KLHL4: variants seen among roughly 807,000 people sequenced by gnomAD.
KLHL4 encodes the protein kelch like family member 4.
KLHL4 carries 17 observed loss-of-function variants against 45.8 expected under a neutral mutation model. The ratio of observed to expected loss-of-function variants is 0.37; its 90% CI spans 0.25 to 0.56. The LOEUF is 0.56. Among genes scored for constraint, KLHL4 ranks in the 20% least tolerant of loss-of-function variants. The pLI is 0.79. For missense variants in KLHL4, 544 were observed against 544.9 expected, an observed-to-expected ratio of 1.00 and a Z score of 0.02; for synonymous variants, 224 against 189.9, an observed-to-expected ratio of 1.18 and a Z score of -1.47.
rs1419656461 is a variant in KLHL4 at position 87,625,715 on chromosome X, A to G, written c.1243A>G (p.Met415Val). The G allele has an allele frequency of 1.7e-6, 2 of 1,210,138 alleles. No homozygotes were observed. The highest frequency in any genetic ancestry group is 2.3e-4 in the Middle Eastern group (1 of 4,347). The change falls in exon 6 of 11, where the codon ATG (methionine) becomes GTG (valine). Residue 415 changes from methionine to valine, a missense_variant. Physicochemically the swap from Met to Val is conservative, Grantham distance 21. Transcript: ENST00000373119. ...KYHLLPERRS[M>V]MQSPRTKPRK... is the part of the protein sequence containing the mutation. ...TCATCTTTTGCCTGAGAGAAGATCC[A>G]TGATGCAAAGCCCTCGGACAAAGCC...
chrX:87,520,698 C>CAA (rs1009114181), intron 1 of KLHL4, among the ~76,000 whole-genome samples: 4 of 111,982 alleles, frequency 3.6e-5, no homozygotes, highest in African/African-American at 1.3e-4. Context: ...TGCTGGTCAT[C>CAA]AGAGACCTGT....
At chrX:87,599,718 G>T (rs1921949629) in intron 1 of KLHL4, among the ~76,000 whole-genome samples, 1 of 110,834 alleles carries the variant, frequency 9.0e-6, no homozygotes, top group Admixed American at 9.6e-5. Context: ...TACCACCTGT[G>T]CTGCTTTGAA....
chrX:87,618,579 C>T (rs1922643304), intron 4 of KLHL4, among the ~76,000 whole-genome samples: 1 of 111,787 alleles, frequency 8.9e-6, no homozygotes, highest in Admixed American at 9.5e-5. Context: ...CAGCTCACTG[C>T]AACCTCCGCC....
chrX:87,655,974 G>C (rs1170764697), intron 9 of KLHL4, among the ~76,000 whole-genome samples: 1 of 111,262 alleles, frequency 9.0e-6, no homozygotes, highest in African/African-American at 3.3e-5. Context: ...CCCAAGTCAG[G>C]GTTTACAGCT....
intron 1 of KLHL4, among the ~76,000 whole-genome samples, chrX:87,556,677 T>C (rs1266553452): frequency 1.2e-5 from 1 of 80,293 alleles, no homozygotes; most frequent in Non-Finnish European, 2.3e-5. Context: ...AGTATAATAA[T>C]AAAAACAAAA....
intron 9 of KLHL4, among the ~76,000 whole-genome samples, chrX:87,649,909 G>C (rs1188937312): frequency 1.8e-5 from 2 of 111,090 alleles, no homozygotes; most frequent in Admixed American, 9.6e-5. Context: ...GTGTTGATTA[G>C]TGTAGCTAGT....
At chrX:87,540,644 A>G (rs1004624843) in intron 1 of KLHL4, among the ~76,000 whole-genome samples, 3 of 111,290 alleles carry the variant, frequency 2.7e-5, no homozygotes, top group African/African-American at 9.8e-5. Context: ...ATCTCTTATG[A>G]TAACAATGCC....
intron 1 of KLHL4, among the ~76,000 whole-genome samples, chrX:87,551,148 A>G (rs1443072331): frequency 9.0e-6 from 1 of 111,324 alleles, no homozygotes. Context: ...AAATCATAAA[A>G]TAATTCAACA....
chrX:87,638,598 A>G (rs935007013), intron 9 of KLHL4, among the ~76,000 whole-genome samples: 1 of 111,893 alleles, frequency 8.9e-6, no homozygotes, highest in South Asian at 3.7e-4. Context: ...ACTAAGCTTC[A>G]TAAATGAAGG....
At chrX:87,618,219 G>T (rs62608283) in intron 4 of KLHL4, 91 bp downstream of exon 4, 79,255 of 708,275 alleles carry the variant, frequency 0.11, 3,570 homozygotes, top group Middle Eastern at 0.19. Flanking sequence ...ATAACTTGTA[G>T]ATGACTTTCA....
At chrX:87,638,688 G>A (rs183547977) in intron 9 of KLHL4, among the ~76,000 whole-genome samples, 12 of 111,603 alleles carry the variant, frequency 1.1e-4, no homozygotes, top group African/African-American at 2.9e-4. Flanking sequence ...ACTGCTAAAA[G>A]GAGCTCTAAA....
At chrX:87,650,230 A>G (rs1267122505) in intron 9 of KLHL4, among the ~76,000 whole-genome samples, 1 of 110,827 alleles carries the variant, frequency 9.0e-6, no homozygotes, top group East Asian at 2.9e-4. Context: ...TTAGTAGTTG[A>G]GGCTACAGGC....
chrX:87,576,500 A>G (rs961145080), intron 1 of KLHL4, among the ~76,000 whole-genome samples: 10 of 111,608 alleles, frequency 9.0e-5, no homozygotes, highest in Non-Finnish European at 1.9e-4. Context: ...AATATGTACA[A>G]TTATTGTTTC....
chrX:87,519,319 C>A (rs1477415680), intron 1 of KLHL4, among the ~76,000 whole-genome samples: 1 of 111,849 alleles, frequency 8.9e-6, no homozygotes, highest in African/African-American at 3.2e-5. Flanking sequence ...ATCTGGCATA[C>A]TATGTCTCTA....
chrX:87,630,079 G>A (rs763806700), intron 6 of KLHL4, among the ~76,000 whole-genome samples: 2 of 111,583 alleles, frequency 1.8e-5, no homozygotes, highest in African/African-American at 3.3e-5. Context: ...AATACTTGCA[G>A]TGCACTATTC....
chrX:87,619,496 C>T (rs1387306191), intron 4 of KLHL4, among the ~76,000 whole-genome samples: 2 of 110,655 alleles, frequency 1.8e-5, no homozygotes, highest in Admixed American at 1.9e-4. Flanking sequence ...CATTTATGTC[C>T]CTGCGTCCTA....
Position 87,616,829 on chromosome X carries a change from A to G in KLHL4, c.728-1103A>G, listed in dbSNP as rs1008364337. The stretch of plus-strand genomic sequence containing the variant: ...CTCTCCCTTCAAAATCAAAACAAGA[A>G]CAATACAAGAGAGTCTGCTGATGGG... On this transcript the variant is annotated intron_variant, in intron 3 of 10. Transcript: ENST00000373119. 3.6e-5 allele frequency among the ~76,000 whole-genome samples: 4 copies of G among 111,558 alleles called. No individual in the cohort carries two copies. In the South Asian group the frequency reaches 1.5e-3, roughly 42 times the overall value.
At chrX:87,532,300 T>C (rs1171016577) in intron 1 of KLHL4, among the ~76,000 whole-genome samples, 1 of 111,006 alleles carries the variant, frequency 9.0e-6, no homozygotes, top group Non-Finnish European at 1.9e-5. Context: ...TATATTTCTG[T>C]TTTGGTACCA....
At chrX:87,551,924 A>C (rs960173145) in intron 1 of KLHL4, among the ~76,000 whole-genome samples, 11 of 112,100 alleles carry the variant, frequency 9.8e-5, no homozygotes, top group Non-Finnish European at 1.9e-4. Flanking sequence ...AAGGACTTAA[A>C]TCTAAGACTT....
Sources: gnomAD v4.1 joint callset for allele counts (sites outside exome capture counted in the v4.1 genomes callset) on GRCh38, gnomAD v4.1.1 for gene constraint, MANE v1.5 for transcripts, NCBI Gene and HGNC (gene_info 2026-07-23, HGNC 2026-07-21) for gene names.